The following SV2C variants were observed in gnomAD, a reference collection of about 807,000 sequenced individuals.
SV2C encodes solute carrier family 22 member B3.
SV2C carries 49 observed loss-of-function variants against 79.7 expected under a neutral mutation model. The ratio of observed to expected loss-of-function variants is 0.61; its 90% CI spans 0.49 to 0.78. SV2C has a LOEUF of 0.78. SV2C is among the 30% of genes least tolerant of loss of function. The probability of loss-of-function intolerance (pLI) is 0.00; values close to 1 mark genes in which losing one functional copy is unlikely to be tolerated. For missense variants in SV2C, 833 were observed against 912.9 expected (o/e 0.91, Z 1.13); for synonymous variants, 334 against 333.2 (o/e 1.00, Z -0.03).
At chr5:75,992,821 T>A in the SV2C span, among the ~76,000 whole-genome samples, 1 of 152,040 alleles carries the variant, frequency 6.6e-6, no homozygotes, top group Non-Finnish European at 1.5e-5. Flanking sequence ...ATAGGGGCAG[T>A]GAGAATGTCA....
the SV2C span, among the ~76,000 whole-genome samples, chr5:76,056,293 T>G: frequency 6.6e-6 from 1 of 152,208 alleles, no homozygotes; most frequent in African/African-American, 2.4e-5. Flanking sequence ...ATGGAGTACG[T>G]TTATTGAAGT....
intron 2 of SV2C, among the ~76,000 whole-genome samples, chr5:76,156,628 C>T (rs887389051): frequency 2.0e-5 from 3 of 151,988 alleles, no homozygotes; most frequent in Non-Finnish European, 2.9e-5. Context: ...ATAATAAATA[C>T]ATTCAAAGAG....
chr5:76,035,110 T>C, the SV2C span, among the ~76,000 whole-genome samples: 4 of 152,350 alleles, frequency 2.6e-5, no homozygotes, highest in South Asian at 8.3e-4. Flanking sequence ...TTGTCATTTT[T>C]TATTGCGTCT....
chr5:76,006,854 C>T, the SV2C span, among the ~76,000 whole-genome samples: 2 of 152,120 alleles, frequency 1.3e-5, no homozygotes, highest in African/African-American at 4.8e-5. Context: ...TGTTTGAGAG[C>T]TTTGCCTGAA....
chr5:76,330,558 G>GC lies in SV2C; in HGVS notation c.*5020dup, dbSNP rs35395002. The GC allele has an allele frequency of 0.7, 100,036 of 142,178 alleles. 34,991 individuals are homozygous for GC. The highest frequency in any genetic ancestry group is 0.77 in the Middle Eastern group (218 of 282). The allele number at this position is 142,178 out of a possible 1,614,324, so 8.8% of individuals were successfully genotyped here. A position where few individuals can be genotyped will look rare whatever the true frequency, so the allele number is the denominator to read the frequency against. On this transcript the variant is annotated 3_prime_UTR_variant, in exon 13 of 13. Transcript: ENST00000502798. ...CCCCCATTACATGTGAACCCTCCGC[G>GC]CCCCCCCCCATAAATACAAAGTGTT...
At chr5:76,266,261 G>T (rs770893850) in intron 4 of SV2C, among the ~76,000 whole-genome samples, 2 of 152,118 alleles carry the variant, frequency 1.3e-5, no homozygotes, top group Non-Finnish European at 2.9e-5. Flanking sequence ...AGGCTGGAGT[G>T]CAGTGGCACA....
At chr5:76,181,655 C>T (rs573901950) in intron 2 of SV2C, among the ~76,000 whole-genome samples, 15 of 152,028 alleles carry the variant, frequency 9.9e-5, no homozygotes, top group Admixed American at 4.6e-4. Flanking sequence ...CGTGAGAACT[C>T]TGTGAGGAGA....
At chr5:76,031,015 T>C in the SV2C span, among the ~76,000 whole-genome samples, 4 of 152,190 alleles carry the variant, frequency 2.6e-5, no homozygotes, top group Admixed American at 2.0e-4. Flanking sequence ...CCAAGCAATA[T>C]AAATGGTGCA....
In SV2C at chr5:76,194,919, G is replaced by C. The variant is rs1474146254; in HGVS notation, c.581G>C (p.Gly194Ala). 1 of 1,613,578 alleles carries C rather than the reference G, an allele frequency of 6.2e-7. No homozygotes were observed. The highest frequency in any genetic ancestry group is 1.3e-5 in the African/African-American group (1 of 74,878). ...TTTCTTTGTTTTCTGTGTGTTGCAG[G>C]CAGCATAGTGTACCTCGGGATGATG... ...CIPNSGSGWLGSIVYLGMMVG... is the reference protein window; with the variant it reads ...CIPNSGSGWLASIVYLGMMVG... The change falls in exon 3 of 13, where the codon GGC becomes GCC. Residue 194 changes from glycine (G) to alanine (A), a missense_variant and splice_region_variant. Gly to Ala is a moderately conservative substitution (Grantham distance 60, BLOSUM62 0). Transcript: ENST00000502798.
At chr5:76,150,626 CTTTTTTTTTTT>C (rs57910684) in intron 2 of SV2C, among the ~76,000 whole-genome samples, 3 of 56,494 alleles carry the variant, frequency 5.3e-5, no homozygotes, top group East Asian at 6.5e-4. Flanking sequence ...TCATCAAATT[CTTTTTTTTTTT>C]TTTTTTTTTT....
the SV2C span, among the ~76,000 whole-genome samples, chr5:76,050,451 T>G: frequency 1.3e-5 from 2 of 152,154 alleles, no homozygotes; most frequent in East Asian, 3.8e-4. Context: ...CTGAACTAGA[T>G]AAAATGAGCC....
chr5:76,279,545 C>T (rs1166972528), intron 4 of SV2C, among the ~76,000 whole-genome samples: 1 of 152,170 alleles, frequency 6.6e-6, no homozygotes, highest in Non-Finnish European at 1.5e-5. Flanking sequence ...GACAGCTATA[C>T]AGAATGATTT....
chr5:76,195,511 C>A (rs182542462), intron 3 of SV2C, among the ~76,000 whole-genome samples: 11 of 152,242 alleles, frequency 7.2e-5, no homozygotes, highest in Admixed American at 5.9e-4. Flanking sequence ...CAAATAAATG[C>A]ACTTTTATTG....
the SV2C span, among the ~76,000 whole-genome samples, chr5:75,933,480 C>T: frequency 1.3e-5 from 2 of 152,162 alleles, no homozygotes; most frequent in African/African-American, 4.8e-5. Context: ...CTGAATTTCT[C>T]CCCTTCCTAA....
chr5:75,957,439 G>A, the SV2C span, among the ~76,000 whole-genome samples: 68 of 152,088 alleles, frequency 4.5e-4, no homozygotes, highest in Middle Eastern at 6.8e-3. Context: ...GAAGAGATTG[G>A]CACAACCTTT....
At chr5:76,313,975 T>C (rs1748539984) in intron 12 of SV2C, among the ~76,000 whole-genome samples, 1 of 152,220 alleles carries the variant, frequency 6.6e-6, no homozygotes, top group African/African-American at 2.4e-5. Context: ...ATTATATGGG[T>C]ATGCATTAGA....
At chr5:76,253,278 T>G (rs1561284499) in intron 4 of SV2C, among the ~76,000 whole-genome samples, 1 of 152,152 alleles carries the variant, frequency 6.6e-6, no homozygotes, top group Non-Finnish European at 1.5e-5. Flanking sequence ...TTGATTTTTG[T>G]TTTTTTATGT....
the SV2C span, among the ~76,000 whole-genome samples, chr5:76,023,895 G>A: frequency 4.6e-5 from 7 of 151,538 alleles, 1 homozygote; most frequent in African/African-American, 1.7e-4. Flanking sequence ...GGTCTCCCAT[G>A]CCTTATGTTT....
At chr5:75,897,657 G>T in the SV2C span, among the ~76,000 whole-genome samples, 4 of 152,414 alleles carry the variant, frequency 2.6e-5, no homozygotes, top group African/African-American at 9.6e-5. Context: ...ATTACCTTGG[G>T]CAGTATGGCC....
Sources: allele counts gnomAD v4.1 joint callset (sites outside exome capture counted in the v4.1 genomes callset), GRCh38; gene constraint gnomAD v4.1.1; transcripts MANE v1.5; gene names NCBI Gene and HGNC (gene_info 2026-07-23, HGNC 2026-07-21).